IFNGR2: variants seen among roughly 807,000 people sequenced by gnomAD.
IFNGR2 encodes IFN-gamma receptor 2.
IFNGR2 carries 15 observed loss-of-function variants against 41.1 expected under a neutral mutation model. That is an observed-to-expected ratio of 0.37 (90% confidence interval 0.24 to 0.56). IFNGR2 has a LOEUF of 0.56. IFNGR2 is among the 20% of genes least tolerant of loss of function. The pLI is 0.81. For synonymous variants in IFNGR2, 161 were observed against 171.6 expected, an observed-to-expected ratio of 0.94 and a Z score of 0.48; for missense variants, 362 against 415.7, an observed-to-expected ratio of 0.87 and a Z score of 1.12.
intron 2 of IFNGR2, among the ~76,000 whole-genome samples, chr21:33,417,641 G>A (rs756233323): frequency 1.3e-5 from 2 of 152,182 alleles, no homozygotes; most frequent in East Asian, 3.9e-4. Flanking sequence ...GATGGCAACC[G>A]CAGAGCATCA....
intron 2 of IFNGR2, 130 bp from the exon 3 acceptor site, chr21:33,421,350 A>AG (rs11458804): frequency 1.0e-5 from 7 of 667,570 alleles, no homozygotes; most frequent in African/African-American, 1.9e-5. Flanking sequence ...AAAAAAAAAA[A>AG]GCGGGGGGGA....
At chr21:33,434,902 GA>G (rs2083929399) in intron 6 of IFNGR2, among the ~76,000 whole-genome samples, 1 of 152,130 alleles carries the variant, frequency 6.6e-6, no homozygotes, top group African/African-American at 2.4e-5. Flanking sequence ...TCATTCCTCT[GA>G]GACATGAACA....
In IFNGR2 at chr21:33,424,733, ATTTG is replaced by A. The variant is rs1181294942; in HGVS notation, c.413-2147_413-2144del. ...TCGTCTGAGAAATGGGGATAACCTT[ATTTG>A]TTTTTTTGTTTTGTTTTGTTTTTTG... On this transcript the variant is annotated intron_variant, in intron 3 of 6. Coordinates refer to ENST00000290219, the MANE Select transcript of IFNGR2 (RefSeq NM_005534.4). Among the ~76,000 whole-genome samples the A allele has an allele frequency of 2.6e-5, 4 of 151,852 alleles. No individual in the cohort carries two copies. In the East Asian group the frequency reaches 5.8e-4, roughly 22 times the overall value.
At chr21:33,432,965 A>G (rs2083905147) in intron 6 of IFNGR2, 94 bp downstream of exon 6, 3 of 1,040,770 alleles carry the variant, frequency 2.9e-6, no homozygotes, top group Non-Finnish European at 4.3e-6. Flanking sequence ...TGCTCACTGC[A>G]GCCTCCATCT....
intron 6 of IFNGR2, among the ~76,000 whole-genome samples, chr21:33,434,241 G>C (rs888854152): frequency 7.2e-5 from 11 of 152,170 alleles, no homozygotes; most frequent in Admixed American, 2.0e-4. Context: ...AGCATTTGCA[G>C]CCGGGCGCAG....
Position 33,421,577 on chromosome 21 carries a change from T to G in IFNGR2, c.304T>G (p.Ser102Ala). ...GTGTGACTTCACTGCCGCCAGTCCC[T>G]CAGCAGGCTTCCCAATGGATTTCAA... is the stretch of plus-strand genomic sequence containing the variant. ...TECDFTAASP[S>A]AGFPMDFNVT... Residue 102 changes from serine to alanine, a missense_variant, in exon 3 of 7, where the codon TCA becomes GCA. Transcript: ENST00000290219. The G allele has an allele frequency of 1.9e-6, 3 of 1,614,052 alleles. No homozygotes were observed. The highest frequency in any genetic ancestry group is 2.2e-5 in the South Asian group (2 of 91,082).
intron 1 of IFNGR2, among the ~76,000 whole-genome samples, chr21:33,414,023 G>A (rs1429267765): frequency 6.6e-6 from 1 of 152,002 alleles, no homozygotes; most frequent in African/African-American, 2.4e-5. Flanking sequence ...AGTAGAGACA[G>A]AGTTTTGCCA....
intron 1 of IFNGR2, chr21:33,410,836 C>G: frequency 6.5e-7 from 1 of 1,538,710 alleles, no homozygotes; most frequent in Non-Finnish European, 8.8e-7. Flanking sequence ...TTATGCTCAG[C>G]ACAGCTAACT....
chr21:33,427,165 T>C, intron 4 of IFNGR2, 133 bp downstream of exon 4: 2 of 816,696 alleles, frequency 2.4e-6, no homozygotes, highest in Non-Finnish European at 4.2e-6. Context: ...GGCTGAGCCC[T>C]GAGCCTGTTT....
At chr21:33,411,638 C>A (rs2083716648) in intron 1 of IFNGR2, 2 of 396,034 alleles carry the variant, frequency 5.1e-6, no homozygotes, top group East Asian at 1.5e-4. Context: ...GGCCTTATAC[C>A]ACCACAGGGT....
intron 1 of IFNGR2, among the ~76,000 whole-genome samples, chr21:33,408,061 C>G (rs2083690681): frequency 6.6e-6 from 1 of 151,946 alleles, no homozygotes; most frequent in African/African-American, 2.4e-5. Flanking sequence ...TCCCCGCCCC[C>G]AATAGAAAGA....
chr21:33,406,081 AAGT>A (rs1402396995), intron 1 of IFNGR2, among the ~76,000 whole-genome samples: 1 of 151,266 alleles, frequency 6.6e-6, no homozygotes, highest in African/African-American at 2.4e-5. Flanking sequence ...ATCCTTTGAA[AAGT>A]AGTAGCAGCT....
At chr21:33,421,762 C>T in intron 3 of IFNGR2, 77 bp downstream of exon 3, 1 of 1,072,788 alleles carries the variant, frequency 9.3e-7, no homozygotes, top group Non-Finnish European at 1.5e-6. Flanking sequence ...CCACACACCT[C>T]TGTCCTGCCT....
chr21:33,408,451 C>T (rs1410631724), intron 1 of IFNGR2, among the ~76,000 whole-genome samples: 1 of 152,094 alleles, frequency 6.6e-6, no homozygotes, highest in Non-Finnish European at 1.5e-5. Context: ...CTGCCTCAAC[C>T]TCCCAAAGTG....
chr21:33,409,620 A>G (rs987617639), intron 1 of IFNGR2, among the ~76,000 whole-genome samples: 8 of 152,190 alleles, frequency 5.3e-5, no homozygotes, highest in African/African-American at 1.9e-4. Flanking sequence ...TCTGAACTCT[A>G]CCCTCCATGC....
intron 1 of IFNGR2, among the ~76,000 whole-genome samples, chr21:33,409,560 G>C (rs993466643): frequency 6.6e-6 from 1 of 152,158 alleles, no homozygotes; most frequent in Non-Finnish European, 1.5e-5. Context: ...TTAGCGAGTG[G>C]TGGTGATTGG....
chr21:33,419,991 G>T (rs1219493861), intron 2 of IFNGR2, among the ~76,000 whole-genome samples: 1 of 152,082 alleles, frequency 6.6e-6, no homozygotes, highest in Non-Finnish European at 1.5e-5. Context: ...TCCAGAGCAC[G>T]CCCCTCACCC....
chr21:33,410,490 CAG>C (rs373205525), intron 1 of IFNGR2, among the ~76,000 whole-genome samples: 2 of 142,542 alleles, frequency 1.4e-5, no homozygotes, highest in African/African-American at 5.3e-5. Flanking sequence ...TTTTTTGAGA[CAG>C]AGTCTCGCTC....
intron 6 of IFNGR2, among the ~76,000 whole-genome samples, chr21:33,436,156 G>A (rs181761713): frequency 3.7e-5 from 4 of 106,926 alleles, no homozygotes; most frequent in Non-Finnish European, 5.6e-5. Flanking sequence ...TCAGGAGTTC[G>A]AGACAGCCTG....
Sources: allele counts gnomAD v4.1 joint callset (sites outside exome capture counted in the v4.1 genomes callset), GRCh38; gene constraint gnomAD v4.1.1; transcripts MANE v1.5; gene names NCBI Gene and HGNC (gene_info 2026-07-23, HGNC 2026-07-21).